Variants in NLK observed in about 807,000 individuals in gnomAD.
NLK encodes serine/threonine-protein kinase NLK.
Under a neutral mutation model 59.0 loss-of-function variants are expected in NLK, and 11 were observed. The observed-to-expected ratio is 0.19, with a 90% CI of 0.12 to 0.31. The LOEUF is 0.31. Among genes scored for constraint, NLK ranks in the 10% least tolerant of loss-of-function variants. NLK has a pLI of 1.00. For missense variants in NLK, 410 were observed against 661.1 expected (o/e 0.62, Z 4.16); for synonymous variants, 235 against 235.9 (o/e 1.00, Z 0.03).
chr17:28,106,334 A>G (rs1905079637), intron 1 of NLK, among the ~76,000 whole-genome samples: 1 of 152,192 alleles, frequency 6.6e-6, no homozygotes, highest in Non-Finnish European at 1.5e-5. Flanking sequence ...TTCGTATATA[A>G]TGAAAATACA....
chr17:28,159,803 T>A (rs1256387343), intron 3 of NLK, among the ~76,000 whole-genome samples: 1 of 152,222 alleles, frequency 6.6e-6, no homozygotes, highest in African/African-American at 2.4e-5. Flanking sequence ...GGCTGCTGTT[T>A]TAGAAATCTA....
intron 1 of NLK, among the ~76,000 whole-genome samples, chr17:28,103,104 A>G (rs1904959022): frequency 6.6e-6 from 1 of 152,206 alleles, no homozygotes; most frequent in Admixed American, 6.5e-5. Flanking sequence ...GGCAAAATAA[A>G]TAAATAAATA....
At chr17:28,088,355 T>C (rs947012061) in intron 1 of NLK, among the ~76,000 whole-genome samples, 1 of 152,220 alleles carries the variant, frequency 6.6e-6, no homozygotes, top group African/African-American at 2.4e-5. Flanking sequence ...TGCAAAATGG[T>C]AATAATCTAA....
chr17:28,175,347 G>A (rs1908637439), intron 7 of NLK, among the ~76,000 whole-genome samples: 2 of 151,842 alleles, frequency 1.3e-5, no homozygotes, highest in Non-Finnish European at 2.9e-5. Context: ...CCAGCTACTC[G>A]GGAGGCGGCA....
rs538917495 is a variant in NLK at position 28,071,434 on chromosome 17, C to CTT, written c.458+28120_458+28121dup. 3.0e-3 allele frequency among the ~76,000 whole-genome samples: 397 copies of CTT among 132,852 alleles called. 4 individuals carry two copies. Among genetic ancestry groups the CTT allele is most frequent in the African/African-American group, 0.01 (366 of 36,578 alleles). 87.2% of individuals were successfully genotyped at this position (132,852 alleles called of 152,430 possible). A position where few individuals can be genotyped will look rare whatever the true frequency, so the allele number is the denominator to read the frequency against. On this transcript the variant is annotated intron_variant, in intron 1 of 10. Coordinates refer to ENST00000407008, the MANE Select transcript of NLK (RefSeq NM_016231.5). The stretch of plus-strand genomic sequence containing the variant: ...TCCATGAACATGGTATAGCTCTCCA[C>CTT]TTTTTTTTTTTTTTTTTTAACAGCC...
At chr17:28,059,167 A>G (rs1459074946) in intron 1 of NLK, among the ~76,000 whole-genome samples, 1 of 152,008 alleles carries the variant, frequency 6.6e-6, no homozygotes, top group Non-Finnish European at 1.5e-5. Flanking sequence ...TCTTGCCATT[A>G]TGTATTAAAA....
At chr17:28,127,722 C>T (rs568781934) in intron 2 of NLK, among the ~76,000 whole-genome samples, 2 of 152,002 alleles carry the variant, frequency 1.3e-5, no homozygotes, top group African/African-American at 2.4e-5. Flanking sequence ...TGTCTATATG[C>T]GTATGGAAAT....
chr17:28,170,524 C>T (rs919244672), intron 6 of NLK, among the ~76,000 whole-genome samples: 1 of 151,988 alleles, frequency 6.6e-6, no homozygotes, highest in Admixed American at 6.6e-5. Context: ...AAAATTGATT[C>T]TGGTGTTAAA....
At chr17:28,094,406 T>C (rs1009777972) in intron 1 of NLK, among the ~76,000 whole-genome samples, 1 of 152,240 alleles carries the variant, frequency 6.6e-6, no homozygotes, top group Non-Finnish European at 1.5e-5. Context: ...TTACTAGTAG[T>C]GCATTATTAA....
intron 1 of NLK, among the ~76,000 whole-genome samples, chr17:28,092,273 G>A (rs1597675328): frequency 6.6e-6 from 1 of 151,602 alleles, no homozygotes; most frequent in African/African-American, 2.4e-5. Context: ...GCGGGGGGGT[G>A]GGGGGAGAAG....
chr17:28,122,526 C>G, intron 1 of NLK, 77 bp from the exon 2 acceptor site: 1 of 1,487,522 alleles, frequency 6.7e-7, no homozygotes, highest in Non-Finnish European at 9.3e-7. Context: ...TTGTCATGAT[C>G]TGAAACATTG....
At chr17:28,084,524 CT>C (rs1910447800) in intron 1 of NLK, among the ~76,000 whole-genome samples, 2 of 151,782 alleles carry the variant, frequency 1.3e-5, no homozygotes, top group Admixed American at 6.6e-5. Context: ...ATTGCCTGGG[CT>C]GTGACTTGTC....
chr17:28,191,576 C>T (rs1909308725), intron 9 of NLK, among the ~76,000 whole-genome samples: 1 of 152,102 alleles, frequency 6.6e-6, no homozygotes, highest in South Asian at 2.1e-4. Context: ...GGAATTATTC[C>T]TTGGACGATG....
At chr17:28,044,840 C>G (rs1908998876) in intron 1 of NLK, among the ~76,000 whole-genome samples, 1 of 152,144 alleles carries the variant, frequency 6.6e-6, no homozygotes, top group Non-Finnish European at 1.5e-5. Context: ...CTTCTTAGAT[C>G]TGGATGCTTA....
intron 3 of NLK, among the ~76,000 whole-genome samples, chr17:28,142,906 A>AT (rs1262815221): frequency 6.6e-6 from 1 of 152,210 alleles, no homozygotes; most frequent in Admixed American, 6.5e-5. Flanking sequence ...TATACTTGTC[A>AT]TAAGAGAATC....
intron 8 of NLK, 199 bp from the exon 9 acceptor site, chr17:28,190,822 T>A: frequency 2.1e-6 from 1 of 478,712 alleles, no homozygotes. Context: ...TGGTAGATAA[T>A]AACAGTAGTT....
chr17:28,057,925 C>A (rs1265184396), intron 1 of NLK, among the ~76,000 whole-genome samples: 1 of 152,154 alleles, frequency 6.6e-6, no homozygotes, highest in Non-Finnish European at 1.5e-5. Context: ...AGGCTGAAAT[C>A]ATCACTGTGT....
intron 3 of NLK, among the ~76,000 whole-genome samples, chr17:28,150,099 C>T (rs1188806281): frequency 6.6e-6 from 1 of 152,142 alleles, no homozygotes; most frequent in Non-Finnish European, 1.5e-5. Context: ...AATGCAAACT[C>T]TGTGTGGAGC....
At chr17:28,150,311 C>T (rs186223475) in intron 3 of NLK, among the ~76,000 whole-genome samples, 1 of 152,122 alleles carries the variant, frequency 6.6e-6, no homozygotes, top group Non-Finnish European at 1.5e-5. Flanking sequence ...TTCATAGAAA[C>T]CTGCTTATGG....
Sources: gnomAD v4.1 joint callset for allele counts (sites outside exome capture counted in the v4.1 genomes callset) on GRCh38, gnomAD v4.1.1 for gene constraint, MANE v1.5 for transcripts, NCBI Gene and HGNC (gene_info 2026-07-23, HGNC 2026-07-21) for gene names.